The following MOB1B variants were observed in gnomAD, a reference collection of about 807,000 sequenced individuals.
MOB1B encodes the protein MOB kinase activator 1B, also known as MOB1 Mps One Binder homolog B.
In MOB1B, 19 loss-of-function variants were observed where a neutral mutation model predicts 24.4. That is an observed-to-expected ratio of 0.78 (90% CI 0.54 to 1.14). The LOEUF is 1.14. Among genes scored for constraint, MOB1B ranks in the 50% most tolerant of loss-of-function variants. The pLI is 0.00. For synonymous variants in MOB1B, 76 were observed against 82.1 expected (o/e 0.93, Z 0.40); for missense variants, 243 against 259.6 (o/e 0.94, Z 0.44).
At chr4:70,937,076 CCTCT>C (rs1322239712) in intron 1 of MOB1B, among the ~76,000 whole-genome samples, 1 of 152,002 alleles carries the variant, frequency 6.6e-6, no homozygotes, top group Non-Finnish European at 1.5e-5. Context: ...CACCACCACG[CCTCT>C]CTAATTTTTG....
chr4:70,936,132 T>C (rs1737075167), intron 1 of MOB1B, among the ~76,000 whole-genome samples: 1 of 152,066 alleles, frequency 6.6e-6, no homozygotes, highest in African/African-American at 2.4e-5. Context: ...ATTACAGGTG[T>C]GAGCCACCGC....
chr4:70,920,206 CTCCTCT>C (rs991258023), intron 1 of MOB1B, among the ~76,000 whole-genome samples: 8 of 151,800 alleles, frequency 5.3e-5, no homozygotes, highest in Non-Finnish European at 1.2e-4. Flanking sequence ...TTGATTTAAG[CTCCTCT>C]TCCTCTTCCT....
At chr4:70,911,088 C>G (rs1306132775) in intron 1 of MOB1B, among the ~76,000 whole-genome samples, 1 of 152,096 alleles carries the variant, frequency 6.6e-6, no homozygotes, top group African/African-American at 2.4e-5. Flanking sequence ...GCCCTGCTAA[C>G]TTCTTCTGAA....
At chr4:70,979,078 TCTTG>T (rs1739105209) in intron 4 of MOB1B, 46 bp from the exon 5 acceptor site, 1 of 1,475,748 alleles carries the variant, frequency 6.8e-7, no homozygotes, top group Non-Finnish European at 9.4e-7. Context: ...AAACTCATTG[TCTTG>T]TTGTCATCTC....
intron 1 of MOB1B, among the ~76,000 whole-genome samples, chr4:70,924,599 A>G (rs565348050): frequency 6.6e-6 from 1 of 152,296 alleles, no homozygotes; most frequent in East Asian, 1.9e-4. Flanking sequence ...CATCATTTAC[A>G]TTAGGTATTT....
chr4:70,950,248 C>T (rs2148889502), intron 1 of MOB1B, among the ~76,000 whole-genome samples: 1 of 151,772 alleles, frequency 6.6e-6, no homozygotes. Flanking sequence ...CCAGCCTGGC[C>T]AACATGGTGA....
At chr4:70,961,957 T>C (rs1738325951) in intron 2 of MOB1B, among the ~76,000 whole-genome samples, 1 of 152,198 alleles carries the variant, frequency 6.6e-6, no homozygotes, top group African/African-American at 2.4e-5. Context: ...CTAGGTGCAT[T>C]GGCTCACGCT....
intron 1 of MOB1B, among the ~76,000 whole-genome samples, chr4:70,932,010 A>G (rs1297566996): frequency 6.6e-6 from 1 of 152,124 alleles, no homozygotes; most frequent in Non-Finnish European, 1.5e-5. Flanking sequence ...GATTGTAGGC[A>G]TGAGGCACTG....
chr4:70,927,539 CAA>C (rs111980845), intron 1 of MOB1B, among the ~76,000 whole-genome samples: 120 of 140,722 alleles, frequency 8.5e-4, no homozygotes, highest in African/African-American at 2.8e-3. Flanking sequence ...GAATCTGTCT[CAA>C]AAAAAAAAAA....
chr4:70,973,485 A>AC (rs1212380009), intron 3 of MOB1B, among the ~76,000 whole-genome samples: 49 of 151,936 alleles, frequency 3.2e-4, no homozygotes, highest in African/African-American at 1.0e-3. Flanking sequence ...AAAAAAAAAA[A>AC]AAAAAAAACA....
At chr4:70,951,841 T>C (rs963756720) in intron 1 of MOB1B, among the ~76,000 whole-genome samples, 1 of 152,226 alleles carries the variant, frequency 6.6e-6, no homozygotes, top group Non-Finnish European at 1.5e-5. Flanking sequence ...CATTCCTGCC[T>C]GGGCAATAGA....
At chr4:70,945,972 G>A (rs747599136) in intron 1 of MOB1B, among the ~76,000 whole-genome samples, 1 of 150,850 alleles carries the variant, frequency 6.6e-6, no homozygotes, top group South Asian at 2.1e-4. Flanking sequence ...GCTGGCTTCT[G>A]TATTATAAGA....
chr4:70,958,537 C>T, intron 1 of MOB1B: 5 of 346,198 alleles, frequency 1.4e-5, no homozygotes, highest in Non-Finnish European at 2.8e-5. Flanking sequence ...CTCTATATTT[C>T]TTTTAAGAAG....
intron 1 of MOB1B, among the ~76,000 whole-genome samples, chr4:70,921,176 T>C (rs771490641): frequency 1.3e-5 from 2 of 152,158 alleles, no homozygotes; most frequent in Admixed American, 6.6e-5. Context: ...GCTACAGTGT[T>C]ACCTAGGGCC....
intron 3 of MOB1B, among the ~76,000 whole-genome samples, chr4:70,971,618 G>A (rs1308595087): frequency 6.6e-6 from 1 of 152,114 alleles, no homozygotes. Flanking sequence ...TTAGAGGAAC[G>A]GGGGCATTTA....
intron 1 of MOB1B, among the ~76,000 whole-genome samples, chr4:70,934,126 C>G (rs773734630): frequency 6.6e-6 from 1 of 151,994 alleles, no homozygotes; most frequent in Non-Finnish European, 1.5e-5. Context: ...GCTCTGTTGC[C>G]CAGGCTGGAG....
At chr4:70,911,967 A>G (rs963461525) in intron 1 of MOB1B, among the ~76,000 whole-genome samples, 5 of 144,572 alleles carry the variant, frequency 3.5e-5, no homozygotes, top group Non-Finnish European at 3.0e-5. Context: ...CACTATCTTG[A>G]CTCACTGCAA....
rs192632330 is a variant in MOB1B at position 70,940,143 on chromosome 4, T to A, written c.15-18731T>A. Among the ~76,000 whole-genome samples the A allele has an allele frequency of 1.3e-5, 2 of 152,178 alleles. 1 individual carries two copies. The highest frequency in any genetic ancestry group is 4.8e-5 in the African/African-American group (2 of 41,492). ...GTTCCTCTCCACGTCCAGCCGCTTG[T>A]GTCTCTCCTGTTAGGGTCTCGGGGG... On this transcript the variant is annotated intron_variant, in intron 1 of 5. Coordinates refer to ENST00000309395, the MANE Select transcript of MOB1B (RefSeq NM_173468.4).
chr4:70,948,101 A>T (rs189985281), intron 1 of MOB1B, among the ~76,000 whole-genome samples: 2 of 152,256 alleles, frequency 1.3e-5, no homozygotes, highest in East Asian at 3.9e-4. Flanking sequence ...AGTTTTGTGA[A>T]AGGTGCAAGA....
Sources: gnomAD v4.1 joint callset for allele counts (sites outside exome capture counted in the v4.1 genomes callset) on GRCh38, gnomAD v4.1.1 for gene constraint, MANE v1.5 for transcripts, NCBI Gene and HGNC (gene_info 2026-07-23, HGNC 2026-07-21) for gene names.